XKR4: variants seen among roughly 807,000 people sequenced by gnomAD.
XKR4 encodes the protein XK related 4.
A neutral mutation model predicts 53.9 loss-of-function variants in XKR4; 12 were observed. The ratio of observed to expected loss-of-function variants is 0.22; its 90% CI spans 0.14 to 0.36. XKR4 has a LOEUF of 0.36. XKR4 is among the 10% of genes least tolerant of loss of function. The probability of loss-of-function intolerance (pLI) is 1.00; values close to 1 mark genes in which losing one functional copy is unlikely to be tolerated. For missense variants in XKR4, 799 were observed against 859.5 expected, an observed-to-expected ratio of 0.93 and a Z score of 0.88; for synonymous variants, 354 against 362.4, an observed-to-expected ratio of 0.98 and a Z score of 0.26.
intron 1 of XKR4, among the ~76,000 whole-genome samples, chr8:55,137,572 CTTTT>C (rs369443865): frequency 1.5e-5 from 2 of 130,786 alleles, no homozygotes; most frequent in Non-Finnish European, 3.3e-5. Context: ...CAGAAGAGAA[CTTTT>C]TTTTTTTTTT....
At chr8:55,283,085 A>G (rs1455525054) in intron 1 of XKR4, among the ~76,000 whole-genome samples, 1 of 152,214 alleles carries the variant, frequency 6.6e-6, no homozygotes. Context: ...AGGCCATACC[A>G]TATAGCCTAG....
intron 2 of XKR4, among the ~76,000 whole-genome samples, chr8:55,478,407 C>A (rs1360964343): frequency 1.3e-5 from 2 of 151,970 alleles, no homozygotes; most frequent in African/African-American, 4.8e-5. Context: ...AAGCACTAAA[C>A]ATGGAAAGGA....
At chr8:55,179,055 G>A (rs949891360) in intron 1 of XKR4, among the ~76,000 whole-genome samples, 1 of 152,118 alleles carries the variant, frequency 6.6e-6, no homozygotes, top group African/African-American at 2.4e-5. Context: ...TAGACAAGAG[G>A]AAGAGGGCTT....
intron 1 of XKR4, among the ~76,000 whole-genome samples, chr8:55,206,770 AT>A (rs1245693185): frequency 3.3e-5 from 5 of 151,942 alleles, no homozygotes; most frequent in East Asian, 1.9e-4. Context: ...TTTGAAGACC[AT>A]TTTTTTTCGT....
intron 1 of XKR4, among the ~76,000 whole-genome samples, chr8:55,203,477 A>G (rs754321154): frequency 2.6e-5 from 4 of 152,206 alleles, no homozygotes; most frequent in Admixed American, 6.5e-5. Flanking sequence ...GTTAGATTTC[A>G]TAAGAGAGAC....
chr8:55,255,840 C>T (rs911402674), intron 1 of XKR4, among the ~76,000 whole-genome samples: 6 of 151,910 alleles, frequency 3.9e-5, no homozygotes, highest in East Asian at 1.9e-4. Flanking sequence ...AATGAGTGTC[C>T]GTTGTCTGCC....
chr8:55,183,463 A>G (rs1465380224), intron 1 of XKR4, among the ~76,000 whole-genome samples: 1 of 151,966 alleles, frequency 6.6e-6, no homozygotes, highest in African/African-American at 2.4e-5. Context: ...AAAATATTTT[A>G]AAGTTTATTT....
intron 2 of XKR4, among the ~76,000 whole-genome samples, chr8:55,398,619 C>T (rs915921043): frequency 1.3e-5 from 2 of 152,096 alleles, no homozygotes; most frequent in East Asian, 3.9e-4. Flanking sequence ...ATCACTTCAC[C>T]TCTCTGGACC....
rs150362772 is a variant in XKR4, at chr8:55,263,875, G to T, written c.807-93803G>T. Among the ~76,000 whole-genome samples the T allele has an allele frequency of 2.2e-4, 34 of 152,284 alleles. No individual in the cohort carries two copies. The East Asian group carries it at 4.3e-3, about 19-fold the overall frequency. ...ACACTCAGGGTTGCAGAAATGCATTGAAGAACTTTTAGGGCCACTTCTCAT... is the reference window on the plus strand; with the variant it reads ...ACACTCAGGGTTGCAGAAATGCATTTAAGAACTTTTAGGGCCACTTCTCAT... On this transcript the variant is annotated intron_variant, in intron 1 of 2. Coordinates refer to ENST00000327381, the MANE Select transcript of XKR4 (RefSeq NM_052898.2).
intron 1 of XKR4, among the ~76,000 whole-genome samples, chr8:55,265,166 A>G (rs1173625551): frequency 1.3e-5 from 2 of 152,218 alleles, no homozygotes; most frequent in Non-Finnish European, 2.9e-5. Flanking sequence ...AAGCAGATGG[A>G]TTTTATTCCA....
intron 2 of XKR4, among the ~76,000 whole-genome samples, chr8:55,438,982 TGGGAAAACTAGGACGGGGGTGAG>T (rs1364068427): frequency 6.6e-6 from 1 of 152,004 alleles, no homozygotes. Context: ...CCTCAAAGTG[TGGGAAAACTAGGACGGGGGTGAG>T]GGGTTGGAAA....
intron 1 of XKR4, among the ~76,000 whole-genome samples, chr8:55,310,203 AG>A (rs1289911673): frequency 6.6e-6 from 1 of 152,180 alleles, no homozygotes; most frequent in African/African-American, 2.4e-5. Flanking sequence ...ATTTCTTTGG[AG>A]TGATTTAAAA....
At chr8:55,201,505 C>T (rs974999411) in intron 1 of XKR4, among the ~76,000 whole-genome samples, 19 of 152,044 alleles carry the variant, frequency 1.2e-4, no homozygotes, top group Non-Finnish European at 2.1e-4. Context: ...AAATTGAGAC[C>T]CAGAGAATGT....
intron 1 of XKR4, among the ~76,000 whole-genome samples, chr8:55,141,671 CTG>C (rs370296200): frequency 8.5e-4 from 115 of 135,272 alleles, no homozygotes; most frequent in African/African-American, 2.7e-3. Flanking sequence ...CTCTCTCTCT[CTG>C]TGTGTGTGTG....
chr8:55,112,590 G>A (rs115714840), intron 1 of XKR4, among the ~76,000 whole-genome samples: 1,700 of 9,024 alleles, frequency 0.19, 89 homozygotes, highest in African/African-American at 0.34. Context: ...TTTTTTTTTA[G>A]GGAGCAGAGA....
At chr8:55,322,386 T>C (rs753466433) in intron 1 of XKR4, among the ~76,000 whole-genome samples, 10 of 152,218 alleles carry the variant, frequency 6.6e-5, no homozygotes, top group Admixed American at 1.3e-4. Context: ...TCCGCTGTTG[T>C]TGAAAATTTT....
chr8:55,314,170 G>T lies in XKR4; in HGVS notation c.807-43508G>T, dbSNP rs1819425398. On this transcript the variant is annotated intron_variant, in intron 1 of 2. Transcript: ENST00000327381. ...AAGACCTTGGCTGGCTTGTGAACTT[G>T]GCAGACCCAATTATTATAGCAATTA... Among the ~76,000 whole-genome samples the T allele has an allele frequency of 2.0e-5, 3 of 152,244 alleles. No homozygotes were observed. In the South Asian group the frequency reaches 6.2e-4, roughly 32 times the overall value.
intron 1 of XKR4, among the ~76,000 whole-genome samples, chr8:55,294,909 T>C (rs183539222): frequency 2.6e-4 from 39 of 152,238 alleles, no homozygotes; most frequent in Admixed American, 2.2e-3. Flanking sequence ...GTTGAAAATA[T>C]TACCCAATGA....
intron 1 of XKR4, among the ~76,000 whole-genome samples, chr8:55,282,631 G>A (rs1818858302): frequency 1.3e-5 from 2 of 152,168 alleles, no homozygotes. Context: ...AGCCATTCAT[G>A]AGGGATCTGC....
Sources: allele counts gnomAD v4.1 joint callset (sites outside exome capture counted in the v4.1 genomes callset), GRCh38; gene constraint gnomAD v4.1.1; transcripts MANE v1.5; gene names NCBI Gene and HGNC (gene_info 2026-07-23, HGNC 2026-07-21).